AGAP1: variants seen among roughly 807,000 people sequenced by gnomAD.
The protein encoded by AGAP1 is ArfGAP with GTPase domain, ankyrin repeat and PH domain 1.
Under a neutral mutation model 105.3 loss-of-function variants are expected in AGAP1, and 29 were observed. The ratio of observed to expected loss-of-function variants is 0.28; its 90% CI spans 0.21 to 0.38. AGAP1 has a LOEUF of 0.38. AGAP1 is among the 10% of genes least tolerant of loss of function. The pLI, the probability that AGAP1 is intolerant of heterozygous loss-of-function variation, is 1.00. For synonymous variants in AGAP1, 509 were observed against 485.9 expected (o/e 1.05, Z -0.63); for missense variants, 998 against 1,165.1 (o/e 0.86, Z 2.09).
chr2:235,776,476 C>T (rs999271923), intron 6 of AGAP1, among the ~76,000 whole-genome samples: 3 of 152,330 alleles, frequency 2.0e-5, no homozygotes, highest in African/African-American at 7.2e-5. Context: ...GTTCGAAAGC[C>T]TTTGATGCCT....
In AGAP1 at chr2:235,551,570, A is replaced by C. The variant is rs1943811079; in HGVS notation, c.163+56721A>C. On this transcript the variant is annotated intron_variant, in intron 1 of 17. Transcript: ENST00000304032. This position sits in a 1 kb window ranked among gnomAD's most constrained non-coding sequence, Gnocchi z 4.8. Reference sequence around the variant, plus strand: ...TACCTCAGCCTCCCAAAGTGCTGGGATTATAGGCATCAACTACCATTGCCA... The same window carrying C: ...TACCTCAGCCTCCCAAAGTGCTGGGCTTATAGGCATCAACTACCATTGCCA... Among the ~76,000 whole-genome samples, 1 of 152,126 alleles carries C rather than the reference A, an allele frequency of 6.6e-6. No homozygotes were observed. The highest frequency in any genetic ancestry group is 2.4e-5 in the African/African-American group (1 of 41,422).
In AGAP1 at chr2:235,965,880, A is replaced by G. The variant is rs533644428; in HGVS notation, c.1484-2582A>G. Among the ~76,000 whole-genome samples, 2 of 152,314 alleles carry G rather than the reference A, an allele frequency of 1.3e-5. No homozygotes were observed. The highest frequency in any genetic ancestry group is 6.5e-5 in the Admixed American group (1 of 15,308). On this transcript the variant is annotated intron_variant, in intron 12 of 17. Transcript: ENST00000304032. The surrounding 1 kb of genome is among the most constrained non-coding windows in gnomAD (Gnocchi z 5.8). The stretch of plus-strand genomic sequence containing the variant: ...TGAGTGGAAGTGACCTGGCCAAGAC[A>G]CCTGAGGATGAAAGATGGGACCAGG...
At chr2:235,528,806 T>C (rs1942944299) in intron 1 of AGAP1, among the ~76,000 whole-genome samples, 1 of 152,138 alleles carries the variant, frequency 6.6e-6, no homozygotes, top group African/African-American at 2.4e-5. Context: ...GCCTCCCTAG[T>C]AGCTGGGATT....
Position 235,517,390 on chromosome 2 carries a change from G to A in AGAP1, c.163+22541G>A, listed in dbSNP as rs1942433174. Among the ~76,000 whole-genome samples the A allele has an allele frequency of 6.6e-6, 1 of 152,208 alleles. No homozygotes were observed. Among genetic ancestry groups the A allele is most frequent in the African/African-American group, 2.4e-5 (1 of 41,444 alleles). On this transcript the variant is annotated intron_variant, in intron 1 of 17. Coordinates refer to ENST00000304032, the MANE Select transcript of AGAP1 (RefSeq NM_001037131.3). This position sits in a 1 kb window ranked among gnomAD's most constrained non-coding sequence, Gnocchi z 4.1. ...TGGTTTCTGAGGATTTGTCACTGAT[G>A]TAGTAGCATCACGAGTGTTTCGTCA... is the stretch of plus-strand genomic sequence containing the variant.
chr2:236,062,226 C>T lies in AGAP1; in HGVS notation c.2114+12945C>T, dbSNP rs2058217491. Among the ~76,000 whole-genome samples the T allele has an allele frequency of 6.6e-6, 1 of 152,168 alleles. No homozygotes were observed. Among genetic ancestry groups the T allele is most frequent in the Non-Finnish European group, 1.5e-5 (1 of 68,030 alleles). ...AGATCAGGCACTTGACAAGCCCTGC[C>T]TCTTGGAATCCGCACAGCAAACCAA... On this transcript the variant is annotated intron_variant, in intron 16 of 17. Coordinates refer to ENST00000304032, the MANE Select transcript of AGAP1 (RefSeq NM_001037131.3). This position sits in a 1 kb window ranked among gnomAD's most constrained non-coding sequence, Gnocchi z 4.2.
At chr2:236,077,219 C>T (rs2058664723) in intron 16 of AGAP1, among the ~76,000 whole-genome samples, 1 of 149,206 alleles carries the variant, frequency 6.7e-6, no homozygotes, top group Admixed American at 6.7e-5. Flanking sequence ...ATGTAGTCTT[C>T]CTCTGCAACA....
Position 236,090,525 on chromosome 2 carries a change from C to G in AGAP1, c.2115-29667C>G, listed in dbSNP as rs1249088930. On this transcript the variant is annotated intron_variant, in intron 16 of 17. Coordinates refer to ENST00000304032, the MANE Select transcript of AGAP1 (RefSeq NM_001037131.3). The surrounding 1 kb of genome is among the most constrained non-coding windows in gnomAD (Gnocchi z 4.3). The stretch of plus-strand genomic sequence containing the variant: ...GGGAACAGAGGCATGGAAAAGCAAA[C>G]GGGCTTTGCCAAGCGAGTGAGAGGC... Among the ~76,000 whole-genome samples, 1 of 152,134 alleles carries G rather than the reference C, an allele frequency of 6.6e-6. No homozygotes were observed. The highest frequency in any genetic ancestry group is 1.5e-5 in the Non-Finnish European group (1 of 68,030).
intron 1 of AGAP1, among the ~76,000 whole-genome samples, chr2:235,646,906 C>T (rs189852192): frequency 0.019 from 2,951 of 152,174 alleles, 43 homozygotes; most frequent in Admixed American, 0.046. Flanking sequence ...GAGGCCGAGG[C>T]GGGTGGATCA....
chr2:235,843,086 A>G lies in AGAP1; in HGVS notation c.1050+35755A>G, dbSNP rs1961052032. 1.3e-5 allele frequency among the ~76,000 whole-genome samples: 2 copies of G among 152,176 alleles called. No homozygotes were observed. The highest frequency in any genetic ancestry group is 3.9e-4 in the East Asian group (2 of 5,190). ...TCTTCATAATGAAACAGAAGTGCTCATTGTCCTGTTGCCACCCTTGTCGGT... is the reference window on the plus strand; with the variant it reads ...TCTTCATAATGAAACAGAAGTGCTCGTTGTCCTGTTGCCACCCTTGTCGGT... On this transcript the variant is annotated intron_variant, in intron 9 of 17. Transcript: ENST00000304032. This position sits in a 1 kb window ranked among gnomAD's most constrained non-coding sequence, Gnocchi z 5.9.
intron 1 of AGAP1, chr2:235,670,894 G>T: frequency 7.4e-7 from 1 of 1,350,682 alleles, no homozygotes; most frequent in Non-Finnish European, 9.4e-7. Context: ...ACCGGCTGCT[G>T]CGCTTCTTCA....
Position 235,964,645 on chromosome 2 carries a change from A to C in AGAP1, c.1484-3817A>C, listed in dbSNP as rs1352986207. Among the ~76,000 whole-genome samples the C allele has an allele frequency of 6.6e-6, 1 of 152,190 alleles. No individual in the cohort carries two copies. The highest frequency in any genetic ancestry group is 6.5e-5 in the Admixed American group (1 of 15,278). ...AGGCTTCTGAACACTGTTAAATCAT[A>C]AATAAAAATTAATTAGGCTCGCCCT... On this transcript the variant is annotated intron_variant, in intron 12 of 17. Coordinates refer to ENST00000304032, the MANE Select transcript of AGAP1 (RefSeq NM_001037131.3). The surrounding 1 kb of genome is among the most constrained non-coding windows in gnomAD (Gnocchi z 4.6).
chr2:236,015,564 T>G (rs1474314207), intron 13 of AGAP1, among the ~76,000 whole-genome samples: 1 of 152,064 alleles, frequency 6.6e-6, no homozygotes, highest in Non-Finnish European at 1.5e-5. Context: ...TGCCTTTTTT[T>G]TTATGATTAC....
In AGAP1 at chr2:235,998,299, C is replaced by T. The variant is rs567501721; in HGVS notation, c.1645+29676C>T. Among the ~76,000 whole-genome samples, 5 of 152,236 alleles carry T rather than the reference C, an allele frequency of 3.3e-5. No homozygotes were observed. In the South Asian group the frequency reaches 8.3e-4, roughly 25 times the overall value. On this transcript the variant is annotated intron_variant, in intron 13 of 17. Coordinates refer to ENST00000304032, the MANE Select transcript of AGAP1 (RefSeq NM_001037131.3). ...GTATTAGTGTTTAGGAAGCTCTGCT[C>T]AGTTACCACCTAGTGGAGAAATCTA...
intron 1 of AGAP1, among the ~76,000 whole-genome samples, chr2:235,536,960 AC>A (rs1321064020): frequency 6.6e-6 from 1 of 152,094 alleles, no homozygotes; most frequent in Non-Finnish European, 1.5e-5. Context: ...CAGGAGCCTG[AC>A]CAACTCCTCC....
At chr2:235,657,674 G>A (rs1205452533) in intron 1 of AGAP1, among the ~76,000 whole-genome samples, 3 of 152,148 alleles carry the variant, frequency 2.0e-5, no homozygotes, top group African/African-American at 4.8e-5. Flanking sequence ...GAGCCACCGC[G>A]CCCAGCCCAG....
At position 235,724,317 on chromosome 2, in the gene AGAP1, C is replaced by T. The variant is rs554482026; in HGVS notation, c.310+6673C>T. On this transcript the variant is annotated intron_variant, in intron 3 of 17. Transcript: ENST00000304032. This position sits in a 1 kb window ranked among gnomAD's most constrained non-coding sequence, Gnocchi z 4.9. ...CCCTGCCTCCCTCCCAGAAGGGCGA[C>T]CCTCCAGCCCCATGTCCAGGCTCTC... Among the ~76,000 whole-genome samples the T allele has an allele frequency of 2.0e-5, 3 of 152,332 alleles. No homozygotes were observed. The highest frequency in any genetic ancestry group is 7.2e-5 in the African/African-American group (3 of 41,588).
intron 1 of AGAP1, among the ~76,000 whole-genome samples, chr2:235,597,554 A>C (rs1404459542): frequency 1.3e-5 from 2 of 152,186 alleles, no homozygotes; most frequent in African/African-American, 4.8e-5. Context: ...GTAAAGGAAA[A>C]CATTGCAACC....
rs1291481650 is a variant in AGAP1, at chr2:236,128,452, C to T, written c.*4330C>T. On this transcript the variant is annotated 3_prime_UTR_variant, in exon 18 of 18. Coordinates refer to ENST00000304032, the MANE Select transcript of AGAP1 (RefSeq NM_001037131.3). The surrounding 1 kb of genome is among the most constrained non-coding windows in gnomAD (Gnocchi z 5.9). ...CCTTGCTTGGTGCTCCCCTCCTCCT[C>T]CTGTCTGAGATCGGAGCTTGCTGGA... The T allele has an allele frequency of 2.6e-5, 4 of 152,322 alleles. No homozygotes were observed. Among genetic ancestry groups the T allele is most frequent in the Admixed American group, 6.5e-5 (1 of 15,280 alleles). 9.4% of individuals were successfully genotyped at this position (152,322 alleles called of 1,614,324 possible). A position where few individuals can be genotyped will look rare whatever the true frequency, so the allele number is the denominator to read the frequency against.
At chr2:235,563,903 A>T (rs2149142184) in intron 1 of AGAP1, among the ~76,000 whole-genome samples, 1 of 152,156 alleles carries the variant, frequency 6.6e-6, no homozygotes, top group East Asian at 1.9e-4. Flanking sequence ...GCAGGTTAAG[A>T]AGCTTGCTCC....
Sources: gnomAD v4.1 joint callset for allele counts (sites outside exome capture counted in the v4.1 genomes callset) on GRCh38, gnomAD v4.1.1 for gene constraint, Gnocchi (gnomAD v3.1) non-coding constraint, MANE v1.5 for transcripts, NCBI Gene and HGNC (gene_info 2026-07-23, HGNC 2026-07-21) for gene names.